The following DLG2 variants were observed in gnomAD, a reference collection of about 807,000 sequenced individuals.
DLG2 encodes discs large MAGUK scaffold protein 2.
Under a neutral mutation model 132.5 loss-of-function variants are expected in DLG2, and 45 were observed. The observed-to-expected ratio is 0.34, with a 90% CI of 0.27 to 0.44. The LOEUF is 0.44. DLG2 is among the 20% of genes least tolerant of loss of function. The probability of loss-of-function intolerance (pLI) is 1.00; values close to 1 mark genes in which losing one functional copy is unlikely to be tolerated. For missense variants in DLG2, 1,045 were observed against 1,196.9 expected, an observed-to-expected ratio of 0.87 and a Z score of 1.87; for synonymous variants, 424 against 419.6, an observed-to-expected ratio of 1.01 and a Z score of -0.13.
rs574546717 is a variant in DLG2, at chr11:85,049,541, A to G, written c.357+62120T>C. On this transcript the variant is annotated intron_variant, in intron 6 of 27. Coordinates refer to ENST00000376104, the MANE Select transcript of DLG2 (RefSeq NM_001142699.3). ...TTAGCAGAATCTCTGGCCTCTACAC[A>G]CTAGATGCCAGTAATTATCTGCACT... 2.0e-5 allele frequency among the ~76,000 whole-genome samples: 3 copies of G among 152,198 alleles called. No individual in the cohort carries two copies. The East Asian group carries it at 5.8e-4, about 29-fold the overall frequency.
rs572965584 is a variant in DLG2 at position 85,512,044 on chromosome 11, G to C, written c.40+86613C>G. Among the ~76,000 whole-genome samples, 8 of 152,168 alleles carry C rather than the reference G, an allele frequency of 5.3e-5. No homozygotes were observed. In the South Asian group the frequency reaches 1.7e-3, roughly 32 times the overall value. On this transcript the variant is annotated intron_variant, in intron 3 of 27. Transcript: ENST00000376104. ...CAGTTCCATGGTGTTTCTCAGGAAG[G>C]ATCATAATATTATATAATAGGAGAT...
intron 19 of DLG2, among the ~76,000 whole-genome samples, chr11:83,555,309 T>C (rs943211159): frequency 2.6e-5 from 4 of 152,240 alleles, no homozygotes; most frequent in Non-Finnish European, 4.4e-5. Flanking sequence ...TTTAGAGTAA[T>C]GGGAAGCCTT....
At chr11:84,441,451 T>C (rs2099017105) in intron 7 of DLG2, among the ~76,000 whole-genome samples, 2 of 152,190 alleles carry the variant, frequency 1.3e-5, no homozygotes, top group African/African-American at 4.8e-5. Context: ...GGGTGGAATA[T>C]ATAGTACGTA....
At chr11:85,415,589 T>C (rs2089761376) in intron 3 of DLG2, among the ~76,000 whole-genome samples, 1 of 152,236 alleles carries the variant, frequency 6.6e-6, no homozygotes, top group South Asian at 2.1e-4. Flanking sequence ...GCGATTTTGA[T>C]TTGCATTTCT....
chr11:83,521,104 AACCTTC>A (rs2095469254), intron 21 of DLG2, among the ~76,000 whole-genome samples: 1 of 152,214 alleles, frequency 6.6e-6, no homozygotes, highest in Admixed American at 6.5e-5. Context: ...ACGTCTTGTA[AACCTTC>A]ACAAATTAAA....
intron 4 of DLG2, among the ~76,000 whole-genome samples, chr11:85,269,700 C>T (rs1272964552): frequency 2.0e-5 from 3 of 152,084 alleles, no homozygotes; most frequent in Non-Finnish European, 4.4e-5. Flanking sequence ...GTACCAATTC[C>T]AAAGCCAAGC....
intron 7 of DLG2, among the ~76,000 whole-genome samples, chr11:84,300,484 G>A (rs1022186072): frequency 2.6e-5 from 4 of 152,122 alleles, no homozygotes; most frequent in African/African-American, 9.7e-5. Context: ...GCTATATTTA[G>A]GATAGGTGGA....
intron 2 of DLG2, among the ~76,000 whole-genome samples, chr11:85,611,892 G>A (rs1395022633): frequency 6.6e-6 from 1 of 152,056 alleles, no homozygotes; most frequent in Non-Finnish European, 1.5e-5. Context: ...AGCAGCATAA[G>A]CAGCTGGCAG....
rs2078486623 is a variant in DLG2 at position 85,285,302 on chromosome 11, T to C, written c.104A>G (p.Glu35Gly). 1 of 1,612,022 alleles carries C rather than the reference T, an allele frequency of 6.2e-7. No homozygotes were observed. The highest frequency in any genetic ancestry group is 1.7e-5 in the Admixed American group (1 of 59,834). The change falls in exon 4 of 28, where the codon GAA (glutamate) becomes GGA (glycine). Residue 35 changes from glutamate to glycine, a missense_variant. By Grantham distance (98) the Glu-to-Gly change is moderately conservative (BLOSUM62 -2). Transcript: ENST00000376104. ...TTTCTGTAAAACTTGATTGGCTTCT[T>C]CTATCTTCTGCTCACAACTTTTTTG... ...NSQKSCEQKIEEANQVLQKWE... is the reference protein window; with the variant it reads ...NSQKSCEQKIGEANQVLQKWE...
At chr11:83,669,261 A>G (rs1447167995) in intron 18 of DLG2, among the ~76,000 whole-genome samples, 1 of 152,172 alleles carries the variant, frequency 6.6e-6, no homozygotes, top group Non-Finnish European at 1.5e-5. Flanking sequence ...CTGCAAAATA[A>G]TATTCGCACC....
intron 7 of DLG2, among the ~76,000 whole-genome samples, chr11:84,497,098 G>A (rs564071087): frequency 8.5e-5 from 13 of 152,232 alleles, no homozygotes; most frequent in South Asian, 2.1e-4. Context: ...AGATAATGGC[G>A]TTTAACTCTG....
At chr11:85,223,541 A>C (rs1360084657) in intron 4 of DLG2, among the ~76,000 whole-genome samples, 1 of 152,046 alleles carries the variant, frequency 6.6e-6, no homozygotes, top group Non-Finnish European at 1.5e-5. Flanking sequence ...TCAGAAGTCT[A>C]CCTGGGAGGA....
chr11:84,521,243 T>C (rs1189465424), intron 7 of DLG2, among the ~76,000 whole-genome samples: 1 of 152,128 alleles, frequency 6.6e-6, no homozygotes, highest in Non-Finnish European at 1.5e-5. Flanking sequence ...CATAAACAAA[T>C]AATAACTCAG....
At chr11:85,100,322 T>G (rs920208553) in intron 6 of DLG2, among the ~76,000 whole-genome samples, 3 of 152,130 alleles carry the variant, frequency 2.0e-5, no homozygotes, top group African/African-American at 7.2e-5. Context: ...GCACCTACTA[T>G]GCAACAGGAA....
chr11:85,454,491 T>C (rs1209961515), intron 3 of DLG2, among the ~76,000 whole-genome samples: 2 of 152,098 alleles, frequency 1.3e-5, no homozygotes, highest in Non-Finnish European at 2.9e-5. Flanking sequence ...TGTATCTTTA[T>C]TGATATTATA....
chr11:85,341,158 G>A (rs758047472), intron 3 of DLG2, among the ~76,000 whole-genome samples: 4 of 151,638 alleles, frequency 2.6e-5, no homozygotes, highest in African/African-American at 4.8e-5. Flanking sequence ...TCACTCTGTC[G>A]CCCAGGCTGG....
chr11:84,752,268 T>C (rs1476902094), intron 6 of DLG2, among the ~76,000 whole-genome samples: 1 of 152,198 alleles, frequency 6.6e-6, no homozygotes, highest in Non-Finnish European at 1.5e-5. Flanking sequence ...GGCATGGTTC[T>C]AGGTGCTGGG....
intron 6 of DLG2, among the ~76,000 whole-genome samples, chr11:84,929,690 C>T (rs1185605914): frequency 1.3e-5 from 2 of 152,100 alleles, no homozygotes; most frequent in Admixed American, 6.6e-5. Flanking sequence ...TTATTGAAAA[C>T]TTCAGTGTAT....
In DLG2 at chr11:85,430,352, TA is replaced by T. The variant is rs568126772; in HGVS notation, c.41-144988del. On this transcript the variant is annotated intron_variant, in intron 3 of 27. Coordinates refer to ENST00000376104, the MANE Select transcript of DLG2 (RefSeq NM_001142699.3). ...ATGTACCCTAAAACTTAAAGTATAA[TA>T]AAAAAAAAGAAAAAGAAAGAAAAAA... 1.0e-3 allele frequency among the ~76,000 whole-genome samples: 150 copies of T among 147,912 alleles called. 1 individual carries two copies. The highest frequency in any genetic ancestry group is 3.9e-3 in the South Asian group (18 of 4,666).
Sources: allele counts gnomAD v4.1 joint callset (sites outside exome capture counted in the v4.1 genomes callset), GRCh38; gene constraint gnomAD v4.1.1; transcripts MANE v1.5; gene names NCBI Gene and HGNC (gene_info 2026-07-23, HGNC 2026-07-21).